Variants in KMT2C observed in about 807,000 individuals in gnomAD.
The protein encoded by KMT2C is lysine methyltransferase 2C, also known as histone-lysine N-methyltransferase 2C.
In KMT2C, 88 loss-of-function variants were observed where a neutral mutation model predicts 507.9. The observed-to-expected ratio is 0.17, with a 90% confidence interval of 0.15 to 0.21. The LOEUF (loss-of-function observed/expected upper bound fraction) is 0.21, where lower values mean the gene tolerates loss of function less well. KMT2C is among the 10% of genes least tolerant of loss of function. The pLI, the probability that KMT2C is intolerant of heterozygous loss-of-function variation, is 1.00. For synonymous variants in KMT2C, 2,049 were observed against 2,080.8 expected, an observed-to-expected ratio of 0.98 and a Z score of 0.42; for missense variants, 4,954 against 5,957.8, an observed-to-expected ratio of 0.83 and a Z score of 5.55.
At chr7:152,340,455 T>C (rs1167162634) in intron 2 of KMT2C, among the ~76,000 whole-genome samples, 2 of 152,194 alleles carry the variant, frequency 1.3e-5, no homozygotes, top group Non-Finnish European at 2.9e-5. Flanking sequence ...CTGACAGTTA[T>C]GTTTTCTGGA....
intron 1 of KMT2C, among the ~76,000 whole-genome samples, chr7:152,398,969 G>C (rs1156447162): frequency 6.6e-6 from 1 of 151,550 alleles, no homozygotes; most frequent in Admixed American, 6.6e-5. Context: ...TAGGACTACA[G>C]GTTCGCACCA....
chr7:152,220,475 T>C, intron 23 of KMT2C, 48 bp downstream of exon 23: 2 of 1,391,106 alleles, frequency 1.4e-6, no homozygotes, highest in South Asian at 1.2e-5. Context: ...TTACTTTATA[T>C]GCTTTAATTC....
chr7:152,359,340 C>A (rs920447737), intron 1 of KMT2C, among the ~76,000 whole-genome samples: 3 of 141,146 alleles, frequency 2.1e-5, no homozygotes, highest in Non-Finnish European at 3.1e-5. Flanking sequence ...GTACTAAATA[C>A]GGTATAGAAA....
chr7:152,337,915 G>C (rs1178950720), intron 2 of KMT2C, among the ~76,000 whole-genome samples: 2 of 151,240 alleles, frequency 1.3e-5, no homozygotes, highest in Non-Finnish European at 2.9e-5. Context: ...GGAGTGCAGT[G>C]GCGCGATCTC....
intron 23 of KMT2C, among the ~76,000 whole-genome samples, chr7:152,208,566 G>A (rs1588212748): frequency 6.6e-6 from 1 of 152,136 alleles, no homozygotes; most frequent in East Asian, 1.9e-4. Flanking sequence ...ATACTTCACT[G>A]AATGAGGTAA....
Position 152,152,863 on chromosome 7 carries a change from GATGGGAC to G in KMT2C, c.12361_12367del (p.Val4121ProfsTer35). ...TCTGTGGCTACTGACCAAACCCATGGATGGGACATCTGGAGCACTGCTAACCTCATAG... is the reference window on the plus strand; with the variant it reads ...TCTGTGGCTACTGACCAAACCCATGGATCTGGAGCACTGCTAACCTCATAG... On this transcript the variant is annotated frameshift_variant, in exon 49 of 59. Transcript: ENST00000262189. LOFTEE classifies it high-confidence loss of function. 6.2e-7 allele frequency: 1 copy of G among 1,614,180 alleles called. No individual in the cohort carries two copies. The highest frequency in any genetic ancestry group is 8.5e-7 in the Non-Finnish European group (1 of 1,180,018).
rs757874474 is a variant in KMT2C, at chr7:152,179,924, AAAG to A, written c.7349_7351del (p.Pro2450del). On this transcript the variant is annotated inframe_deletion, in exon 37 of 59. Coordinates refer to ENST00000262189, the MANE Select transcript of KMT2C (RefSeq NM_170606.3). Reference sequence around the variant, plus strand: ...TGGGAAAACAGCATATCTAGGTCCTAAAGGAGGGGCAACAGGAGACCTAATGTT... The same window carrying A: ...TGGGAAAACAGCATATCTAGGTCCTAGAGGGGCAACAGGAGACCTAATGTT... 1 of 1,614,078 alleles carries A rather than the reference AAAG, an allele frequency of 6.2e-7. No homozygotes were observed. The highest frequency in any genetic ancestry group is 1.1e-5 in the South Asian group (1 of 91,074).
intron 2 of KMT2C, among the ~76,000 whole-genome samples, chr7:152,343,964 T>A (rs148157486): frequency 5.3e-5 from 8 of 152,056 alleles, no homozygotes; most frequent in African/African-American, 1.2e-4. Context: ...AGGAAGAGCA[T>A]CTCAGAAGGG....
At chr7:152,143,009 TC>T (rs1256821268) in intron 55 of KMT2C, among the ~76,000 whole-genome samples, 1 of 152,054 alleles carries the variant, frequency 6.6e-6, no homozygotes, top group Middle Eastern at 3.2e-3. Flanking sequence ...CAAAAATGCT[TC>T]AGGTTAAAGG....
At chr7:152,337,205 G>T (rs529675398) in intron 2 of KMT2C, among the ~76,000 whole-genome samples, 2 of 152,092 alleles carry the variant, frequency 1.3e-5, no homozygotes, top group Non-Finnish European at 2.9e-5. Flanking sequence ...GGGAGGCAGA[G>T]GTTGCAGCTG....
rs2129121652 is a variant in KMT2C at position 152,183,165 on chromosome 7, A to G, written c.5083-9T>C. 6.6e-7 allele frequency: 1 copy of G among 1,518,196 alleles called. No homozygotes were observed. 94.0% of individuals were successfully genotyped at this position (1,518,196 alleles called of 1,614,324 possible). A position where few individuals can be genotyped will look rare whatever the true frequency, so the allele number is the denominator to read the frequency against. Reference sequence around the variant, plus strand: ...TTATCTCTGGCTTTTTGCTTTGACAAAAGAAGAGAAAAAAATTTCCCAGAT... The same window carrying G: ...TTATCTCTGGCTTTTTGCTTTGACAGAAGAAGAGAAAAAAATTTCCCAGAT... On this transcript the variant is annotated splice_polypyrimidine_tract_variant and intron_variant, in intron 34 of 58. Coordinates refer to ENST00000262189, the MANE Select transcript of KMT2C (RefSeq NM_170606.3).
At chr7:152,431,619 GA>G (rs2097863327) in intron 1 of KMT2C, among the ~76,000 whole-genome samples, 1 of 143,308 alleles carries the variant, frequency 7.0e-6, no homozygotes, top group South Asian at 2.2e-4. Flanking sequence ...AAAAAAAAAA[GA>G]AAAAAAACAG....
At chr7:152,259,459 C>A in intron 9 of KMT2C, among the ~76,000 whole-genome samples, 1 of 145,258 alleles carries the variant, frequency 6.9e-6, no homozygotes, top group South Asian at 2.3e-4. Flanking sequence ...CACACACACA[C>A]ACACACACAC....
At chr7:152,145,763 T>C (rs943909843) in intron 53 of KMT2C, among the ~76,000 whole-genome samples, 4 of 152,234 alleles carry the variant, frequency 2.6e-5, no homozygotes, top group African/African-American at 9.6e-5. Context: ...TCTCACTCCT[T>C]TCAATTTGAC....
intron 1 of KMT2C, among the ~76,000 whole-genome samples, chr7:152,384,604 A>AT (rs2097406686): frequency 6.9e-6 from 1 of 144,514 alleles, no homozygotes; most frequent in African/African-American, 2.5e-5. Context: ...CACCACCACC[A>AT]CCACCACCAC....
chr7:152,322,192 GTC>G (rs1382343262), intron 3 of KMT2C, among the ~76,000 whole-genome samples: 1 of 151,738 alleles, frequency 6.6e-6, no homozygotes, highest in African/African-American at 2.4e-5. Flanking sequence ...GTGAAACCCC[GTC>G]TCTACTAAAA....
intron 1 of KMT2C, among the ~76,000 whole-genome samples, chr7:152,395,062 C>T (rs1156336795): frequency 2.6e-5 from 4 of 151,948 alleles, no homozygotes; most frequent in South Asian, 2.1e-4. Context: ...TTAACTCAAT[C>T]GTAAGGCATG....
chr7:152,194,876 T>G (rs2093917435), intron 28 of KMT2C, among the ~76,000 whole-genome samples: 1 of 150,540 alleles, frequency 6.6e-6, no homozygotes, highest in African/African-American at 2.4e-5. Context: ...AAGATAGGAG[T>G]TTATGAGAAA....
At chr7:152,292,696 G>A (rs2129187344) in intron 6 of KMT2C, among the ~76,000 whole-genome samples, 1 of 152,222 alleles carries the variant, frequency 6.6e-6, no homozygotes, top group South Asian at 2.1e-4. Flanking sequence ...CCACCCCTCT[G>A]TAGCCTTCAG....
Sources: gnomAD v4.1 joint callset for allele counts (sites outside exome capture counted in the v4.1 genomes callset) on GRCh38, gnomAD v4.1.1 for gene constraint, MANE v1.5 for transcripts, NCBI Gene and HGNC (gene_info 2026-07-23, HGNC 2026-07-21) for gene names.